The following B4GALT5 variants were observed in gnomAD, a reference collection of about 807,000 sequenced individuals.
B4GALT5 encodes the protein beta-1,4-galactosyltransferase 5, also known as UDP-Gal:beta-GlcNAc beta-1,4-galactosyltransferase 5.
Under a neutral mutation model 45.0 loss-of-function variants are expected in B4GALT5, and 11 were observed. The ratio of observed to expected loss-of-function variants is 0.24; its 90% CI spans 0.15 to 0.40. The LOEUF (loss-of-function observed/expected upper bound fraction) is 0.40. B4GALT5 is among the 10% of genes least tolerant of loss of function. The pLI is 1.00. For missense variants in B4GALT5, 337 were observed against 500.2 expected, an observed-to-expected ratio of 0.67 and a Z score of 3.11; for synonymous variants, 185 against 182.9, an observed-to-expected ratio of 1.01 and a Z score of -0.09.
chr20:49,670,668 C>T (rs1466654466), intron 1 of B4GALT5, among the ~76,000 whole-genome samples: 6 of 152,142 alleles, frequency 3.9e-5, no homozygotes, highest in Non-Finnish European at 5.9e-5. Flanking sequence ...AAACATGTAA[C>T]GTAAAATTTT....
intron 1 of B4GALT5, among the ~76,000 whole-genome samples, chr20:49,661,809 T>C (rs2146339404): frequency 6.6e-6 from 1 of 152,282 alleles, no homozygotes; most frequent in South Asian, 2.1e-4. Flanking sequence ...TGCGACAACA[T>C]TTAACACAAA....
intron 1 of B4GALT5, among the ~76,000 whole-genome samples, chr20:49,708,982 G>A (rs1271907298): frequency 6.6e-6 from 1 of 151,460 alleles, no homozygotes; most frequent in East Asian, 1.9e-4. Context: ...CCCTAACCAT[G>A]CACAGGCACC....
intron 1 of B4GALT5, among the ~76,000 whole-genome samples, chr20:49,663,690 A>ATAT (rs1296656944): frequency 7.2e-5 from 7 of 96,946 alleles, no homozygotes; most frequent in African/African-American, 3.1e-4. Flanking sequence ...AAAAAAAAAA[A>ATAT]ATATATACAT....
intron 1 of B4GALT5, among the ~76,000 whole-genome samples, chr20:49,703,808 G>A (rs1469689435): frequency 4.0e-5 from 6 of 150,684 alleles, no homozygotes; most frequent in South Asian, 2.1e-4. Context: ...AGTATCACAC[G>A]AACCCAGGAA....
At chr20:49,694,932 C>T (rs1568732869) in intron 1 of B4GALT5, among the ~76,000 whole-genome samples, 1 of 152,128 alleles carries the variant, frequency 6.6e-6, no homozygotes, top group Non-Finnish European at 1.5e-5. Flanking sequence ...ACTCTCAATG[C>T]CATTTCAGAG....
intron 1 of B4GALT5, among the ~76,000 whole-genome samples, chr20:49,703,207 GA>G (rs1290192249): frequency 2.0e-5 from 3 of 148,082 alleles, no homozygotes; most frequent in Non-Finnish European, 4.5e-5. Flanking sequence ...ATAACATTAT[GA>G]ATGTAATTTA....
At position 49,636,157 on chromosome 20, in the gene B4GALT5, G is replaced by T; in HGVS notation, c.*155C>A. 1 of 977,866 alleles carries T rather than the reference G, an allele frequency of 1.0e-6. No individual in the cohort carries two copies. Among genetic ancestry groups the T allele is most frequent in the Non-Finnish European group, 1.5e-6 (1 of 667,798 alleles). 60.6% of individuals were successfully genotyped at this position (977,866 alleles called of 1,614,324 possible). On this transcript the variant is annotated 3_prime_UTR_variant, in exon 9 of 9. Transcript: ENST00000371711. ...GCTGATCCAGTGAAGGCGTTTGTGC[G>T]TGTGCTGTCACATTTTCCCCCTGAA...
At chr20:49,662,568 C>G (rs527509152) in intron 1 of B4GALT5, among the ~76,000 whole-genome samples, 1 of 152,090 alleles carries the variant, frequency 6.6e-6, no homozygotes, top group African/African-American at 2.4e-5. Context: ...ATTTCAAGCC[C>G]TTCTCTTTAT....
chr20:49,680,538 A>G (rs1428646502), intron 1 of B4GALT5, among the ~76,000 whole-genome samples: 1 of 152,212 alleles, frequency 6.6e-6, no homozygotes, highest in African/African-American at 2.4e-5. Flanking sequence ...CATTTATCTG[A>G]GGTACCCAGA....
intron 1 of B4GALT5, among the ~76,000 whole-genome samples, chr20:49,666,203 A>T (rs1190646196): frequency 6.6e-6 from 1 of 152,158 alleles, no homozygotes; most frequent in Non-Finnish European, 1.5e-5. Flanking sequence ...CCCCCAGGTG[A>T]TTAATAAAAG....
chr20:49,654,340 G>A (rs2085633463), intron 2 of B4GALT5, among the ~76,000 whole-genome samples: 1 of 152,224 alleles, frequency 6.6e-6, no homozygotes, highest in African/African-American at 2.4e-5. Context: ...GAGAATGTGT[G>A]TGCGGATTGT....
chr20:49,688,070 G>C (rs1230854598), intron 1 of B4GALT5, among the ~76,000 whole-genome samples: 1 of 152,078 alleles, frequency 6.6e-6, no homozygotes, highest in Non-Finnish European at 1.5e-5. Flanking sequence ...CAGAAAAGCA[G>C]CCTGGGAACA....
intron 3 of B4GALT5, 124 bp from the exon 4 acceptor site, chr20:49,643,774 A>T: frequency 9.7e-7 from 1 of 1,035,506 alleles, no homozygotes; most frequent in East Asian, 2.7e-5. Context: ...CAAGGATGGA[A>T]GTCCCTTCCT....
chr20:49,640,579 A>G lies in B4GALT5; in HGVS notation c.693T>C (p.Ile231=). 5 of 1,614,092 alleles carry G rather than the reference A, an allele frequency of 3.1e-6. No homozygotes were observed. The highest frequency in any genetic ancestry group is 4.2e-6 in the Non-Finnish European group (5 of 1,180,014). Residue 231 remains isoleucine (I), a synonymous_variant, in exon 6 of 9, where the codon ATT becomes ATC. Transcript: ENST00000371711. ...AMKDLDWDCL[I]FHDVDHIPES... ...CCGGTATGTGATCTACATCATGAAA[A>G]ATCAAACAGTCCCAATCCAAGTCTT...
chr20:49,704,522 A>G (rs1263265912), intron 1 of B4GALT5, among the ~76,000 whole-genome samples: 1 of 151,830 alleles, frequency 6.6e-6, no homozygotes, highest in Admixed American at 6.6e-5. Flanking sequence ...GATCGAGACC[A>G]TCCCGGCTAA....
chr20:49,637,643 GA>G (rs1428590714), intron 7 of B4GALT5, among the ~76,000 whole-genome samples: 5 of 152,026 alleles, frequency 3.3e-5, no homozygotes, highest in African/African-American at 7.2e-5. Context: ...TATGTGAACG[GA>G]AAAAATAGGC....
chr20:49,669,614 T>A (rs900923439), intron 1 of B4GALT5, among the ~76,000 whole-genome samples: 7 of 150,748 alleles, frequency 4.6e-5, no homozygotes, highest in African/African-American at 1.7e-4. Flanking sequence ...GAGAATCACT[T>A]GAACCTGGGA....
intron 1 of B4GALT5, among the ~76,000 whole-genome samples, chr20:49,683,566 G>T (rs1022360101): frequency 6.6e-6 from 1 of 151,528 alleles, no homozygotes; most frequent in African/African-American, 2.4e-5. Context: ...GCTAATTTTT[G>T]TATTTTTGTA....
chr20:49,683,103 G>GA (rs11475845), intron 1 of B4GALT5, among the ~76,000 whole-genome samples: 20 of 148,498 alleles, frequency 1.3e-4, no homozygotes, highest in Admixed American at 6.7e-4. Context: ...TTCTGGGGAG[G>GA]AAAAAAAAAA....
Sources: gnomAD v4.1 joint callset for allele counts (sites outside exome capture counted in the v4.1 genomes callset) on GRCh38, gnomAD v4.1.1 for gene constraint, MANE v1.5 for transcripts, NCBI Gene and HGNC (gene_info 2026-07-23, HGNC 2026-07-21) for gene names.